Variants in ADCY2 observed in about 807,000 individuals in gnomAD.
ADCY2 encodes the protein adenylate cyclase type 2.
ADCY2 carries 31 observed loss-of-function variants against 125.2 expected under a neutral mutation model. That is an observed-to-expected ratio of 0.25 (90% CI 0.19 to 0.33). ADCY2 has a LOEUF of 0.33. Among genes scored for constraint, ADCY2 ranks in the 10% least tolerant of loss-of-function variants. ADCY2 has a pLI of 1.00. For missense variants in ADCY2, 904 were observed against 1,418.2 expected (o/e 0.64, Z 5.82); for synonymous variants, 512 against 548.4 (o/e 0.93, Z 0.93).
chr5:7,745,064 C>T (rs532800494), intron 15 of ADCY2, among the ~76,000 whole-genome samples: 1 of 152,268 alleles, frequency 6.6e-6, no homozygotes, highest in East Asian at 1.9e-4. Flanking sequence ...GCATCTGTGG[C>T]TTTATTGCAA....
At chr5:7,704,301 T>C (rs942473210) in intron 7 of ADCY2, among the ~76,000 whole-genome samples, 5 of 152,154 alleles carry the variant, frequency 3.3e-5, no homozygotes, top group Non-Finnish European at 7.4e-5. Flanking sequence ...CTCTCTGTGT[T>C]CACACCTCCA....
intron 3 of ADCY2, among the ~76,000 whole-genome samples, chr5:7,598,253 G>A (rs1025184902): frequency 3.3e-5 from 5 of 152,138 alleles, no homozygotes; most frequent in African/African-American, 9.7e-5. Context: ...CAAGGAGGAG[G>A]GCAAAGCCTC....
intron 2 of ADCY2, among the ~76,000 whole-genome samples, chr5:7,463,602 A>G (rs1304618342): frequency 7.0e-6 from 1 of 142,920 alleles, no homozygotes; most frequent in African/African-American, 2.7e-5. Context: ...TTATGCTGAG[A>G]GCACAAGGTG....
At chr5:7,612,276 G>A (rs1441830007) in intron 3 of ADCY2, among the ~76,000 whole-genome samples, 2 of 152,322 alleles carry the variant, frequency 1.3e-5, no homozygotes, top group East Asian at 3.9e-4. Flanking sequence ...CCTCAAGAAA[G>A]ACAAGTCTTT....
At chr5:7,573,850 A>G (rs1247820924) in intron 3 of ADCY2, among the ~76,000 whole-genome samples, 7 of 143,566 alleles carry the variant, frequency 4.9e-5, no homozygotes, top group East Asian at 2.0e-4. Context: ...ATGCTGGTGC[A>G]CTGCACCCAC....
At chr5:7,461,457 C>A (rs1741915842) in intron 2 of ADCY2, among the ~76,000 whole-genome samples, 1 of 152,228 alleles carries the variant, frequency 6.6e-6, no homozygotes, top group African/African-American at 2.4e-5. Context: ...TAGGTACATT[C>A]AGAGTGTATA....
intron 2 of ADCY2, among the ~76,000 whole-genome samples, chr5:7,489,126 T>G (rs1348628154): frequency 6.6e-6 from 1 of 152,188 alleles, no homozygotes; most frequent in Non-Finnish European, 1.5e-5. Flanking sequence ...CCATTTCTAC[T>G]GTGAAACATG....
At chr5:7,767,070 C>G (rs1334340026) in intron 17 of ADCY2, among the ~76,000 whole-genome samples, 9 of 152,188 alleles carry the variant, frequency 5.9e-5, no homozygotes. Context: ...ACCACTACAG[C>G]ATTTCTAGCA....
intron 3 of ADCY2, among the ~76,000 whole-genome samples, chr5:7,585,600 T>G (rs1736603930): frequency 6.6e-6 from 1 of 152,202 alleles, no homozygotes; most frequent in Admixed American, 6.5e-5. Flanking sequence ...AATCTGAATT[T>G]TCTCTCAAAT....
intron 18 of ADCY2, among the ~76,000 whole-genome samples, chr5:7,780,109 T>A (rs1055487542): frequency 6.6e-6 from 1 of 152,160 alleles, no homozygotes; most frequent in African/African-American, 2.4e-5. Flanking sequence ...ACCGAGTGTG[T>A]CTTAGCAATT....
At chr5:7,406,594 C>G (rs1739498000) in intron 1 of ADCY2, among the ~76,000 whole-genome samples, 1 of 151,380 alleles carries the variant, frequency 6.6e-6, no homozygotes, top group Admixed American at 6.6e-5. Context: ...TTTTATGTGG[C>G]CTTTGAATCT....
chr5:7,579,541 G>T (rs1736358390), intron 3 of ADCY2, among the ~76,000 whole-genome samples: 1 of 152,140 alleles, frequency 6.6e-6, no homozygotes, highest in South Asian at 2.1e-4. Context: ...CGGATGAGAG[G>T]ATAAAATAAC....
intron 23 of ADCY2, among the ~76,000 whole-genome samples, chr5:7,817,524 A>C (rs1262901105): frequency 6.6e-6 from 1 of 152,146 alleles, no homozygotes; most frequent in Non-Finnish European, 1.5e-5. Context: ...TCTTTATAAT[A>C]TTGTTAAAAA....
chr5:7,652,046 C>G (rs1739112639), intron 4 of ADCY2, among the ~76,000 whole-genome samples: 1 of 152,168 alleles, frequency 6.6e-6, no homozygotes, highest in Admixed American at 6.5e-5. Context: ...TTGTGATCCA[C>G]CCACCTCGGC....
chr5:7,418,181 G>A (rs372615330), intron 2 of ADCY2, among the ~76,000 whole-genome samples: 73 of 152,132 alleles, frequency 4.8e-4, no homozygotes, highest in African/African-American at 1.5e-3. Flanking sequence ...TTGCTTTTAC[G>A]TACATCTTGA....
chr5:7,543,400 T>G (rs1579556267), intron 3 of ADCY2, among the ~76,000 whole-genome samples: 3 of 152,314 alleles, frequency 2.0e-5, no homozygotes, highest in Admixed American at 6.5e-5. Flanking sequence ...TTTACTTTGT[T>G]TCTTTGAAAA....
At chr5:7,447,106 C>T (rs146885331) in intron 2 of ADCY2, among the ~76,000 whole-genome samples, 6 of 152,204 alleles carry the variant, frequency 3.9e-5, no homozygotes, top group East Asian at 3.9e-4. Context: ...TTCCCTTAGT[C>T]GGTCATCTGG....
chr5:7,659,403 G>T (rs1055970213), intron 4 of ADCY2, among the ~76,000 whole-genome samples: 3 of 152,208 alleles, frequency 2.0e-5, no homozygotes, highest in African/African-American at 7.2e-5. Context: ...TACCCAGATT[G>T]CTGTACTGTG....
chr5:7,418,151 C>T (rs1229999369), intron 2 of ADCY2, among the ~76,000 whole-genome samples: 1 of 152,150 alleles, frequency 6.6e-6, no homozygotes, highest in Admixed American at 6.5e-5. Flanking sequence ...TTTTAGCTCT[C>T]CCTGTGTACC....
Sources: allele counts gnomAD v4.1 joint callset (sites outside exome capture counted in the v4.1 genomes callset), GRCh38; gene constraint gnomAD v4.1.1; transcripts MANE v1.5; gene names NCBI Gene and HGNC (gene_info 2026-07-23, HGNC 2026-07-21).